FAM120B: variants seen among roughly 807,000 people sequenced by gnomAD.
The protein encoded by FAM120B is family with sequence similarity 120 member B.
A neutral mutation model predicts 96.3 loss-of-function variants in FAM120B; 83 were observed. The ratio of observed to expected loss-of-function variants is 0.86; its 90% CI spans 0.72 to 1.03. The LOEUF is 1.03. FAM120B is among the 50% of genes least tolerant of loss of function. FAM120B has a pLI of 0.00. For missense variants in FAM120B, 1,027 were observed against 1,121.2 expected, an observed-to-expected ratio of 0.92 and a Z score of 1.20; for synonymous variants, 407 against 402.7, an observed-to-expected ratio of 1.01 and a Z score of -0.13.
intron 1 of FAM120B, 91 bp from the exon 2 acceptor site, chr6:170,317,277 CAG>C (rs1226509866): frequency 2.0e-6 from 2 of 996,698 alleles, no homozygotes; most frequent in Non-Finnish European, 3.0e-6. Flanking sequence ...TTTTTGGAAA[CAG>C]TGTGAATATT....
chr6:170,319,480 C>T (rs1244069927), intron 2 of FAM120B, among the ~76,000 whole-genome samples: 1 of 152,106 alleles, frequency 6.6e-6, no homozygotes, highest in African/African-American at 2.4e-5. Flanking sequence ...CCAGCCTGAC[C>T]CACATGGTGA....
At chr6:170,291,421 T>C (rs1783869356), upstream of FAM120B, among the ~76,000 whole-genome samples, 1 of 151,148 alleles carries the variant, frequency 6.6e-6, no homozygotes, top group South Asian at 2.1e-4. Context: ...TCCCGGGGGC[T>C]TGGGGAGGGC....
Position 170,368,357 on chromosome 6 carries a change from A to C in FAM120B, c.2283+10039A>C, listed in dbSNP as rs1788933280. On this transcript the variant is annotated intron_variant, in intron 6 of 10. Transcript: ENST00000476287. ...AGCAGGTATGCCATGTGTCAAAAGC[A>C]GATTTAGAAACCTTCTCATAAAAGA... Among the ~76,000 whole-genome samples, 3 of 152,134 alleles carry C rather than the reference A, an allele frequency of 2.0e-5. No individual in the cohort carries two copies. In the East Asian group the frequency reaches 5.8e-4, roughly 29 times the overall value.
chr6:170,306,940 C>G (rs1784318953), intron 1 of FAM120B, 98 bp downstream of exon 1: 1 of 152,302 alleles, frequency 6.6e-6, no homozygotes, highest in South Asian at 2.1e-4. Context: ...GCGTCAGCCC[C>G]TCGGCTTCTG....
Position 170,400,674 on chromosome 6 carries a change from T to C in FAM120B, c.2693-3876T>C, listed in dbSNP as rs1778523932. Reference sequence around the variant, plus strand: ...ACTTCTTCCAAAACCAAGTTTTTCCTTTCCTGGCATTAATTCTAACATTTC... The same window carrying C: ...ACTTCTTCCAAAACCAAGTTTTTCCCTTCCTGGCATTAATTCTAACATTTC... On this transcript the variant is annotated intron_variant, in intron 9 of 10. Transcript: ENST00000476287. Among the ~76,000 whole-genome samples, 5 of 152,244 alleles carry C rather than the reference T, an allele frequency of 3.3e-5. No individual in the cohort carries two copies. The South Asian group carries it at 1.0e-3, about 31-fold the overall frequency.
At chr6:170,385,020 C>A (rs1212976797) in intron 6 of FAM120B, among the ~76,000 whole-genome samples, 1 of 152,174 alleles carries the variant, frequency 6.6e-6, no homozygotes, top group African/African-American at 2.4e-5. Context: ...TAGAATCCTG[C>A]ACCCAAAAGC....
intron 7 of FAM120B, among the ~76,000 whole-genome samples, 176 bp from the exon 8 acceptor site, chr6:170,390,837 A>G (rs907139588): frequency 1.3e-5 from 2 of 152,196 alleles, no homozygotes; most frequent in African/African-American, 4.8e-5. Context: ...GGATGTGGTC[A>G]TGCTGAAGGA....
upstream of FAM120B, among the ~76,000 whole-genome samples, chr6:170,293,773 C>T (rs61085647): frequency 4.6e-3 from 693 of 149,798 alleles, 5 homozygotes; most frequent in African/African-American, 0.016. Context: ...TCTCTCCCCC[C>T]ACCCCCAAGT....
chr6:170,398,384 A>G (rs1382610558), intron 9 of FAM120B, among the ~76,000 whole-genome samples: 2 of 152,172 alleles, frequency 1.3e-5, no homozygotes, highest in Non-Finnish European at 2.9e-5. Flanking sequence ...CATAACTCTT[A>G]GGAGTGAGTG....
intron 4 of FAM120B, among the ~76,000 whole-genome samples, chr6:170,340,730 C>T (rs1786764781): frequency 6.6e-6 from 1 of 152,274 alleles, no homozygotes; most frequent in Non-Finnish European, 1.5e-5. Context: ...GTTAGTTTTT[C>T]TTCCAACTGG....
intron 3 of FAM120B, among the ~76,000 whole-genome samples, chr6:170,329,369 T>A (rs1785841587): frequency 6.6e-6 from 1 of 152,228 alleles, no homozygotes; most frequent in Admixed American, 6.5e-5. Flanking sequence ...CTGCCCATTG[T>A]CCGTCACATG....
chr6:170,315,183 G>A (rs538131805), intron 1 of FAM120B, among the ~76,000 whole-genome samples: 12 of 152,310 alleles, frequency 7.9e-5, no homozygotes, highest in African/African-American at 2.4e-4. Flanking sequence ...CCCTCACAGC[G>A]TAGAAATCAA....
chr6:170,330,865 G>A lies in FAM120B; in HGVS notation c.2017+315G>A, dbSNP rs188651792. The A allele has an allele frequency of 0.01, 2,953 of 290,666 alleles. 132 individuals carry two copies. In the East Asian group the frequency reaches 0.11, roughly 11 times the overall value. 18.0% of individuals were successfully genotyped at this position (290,666 alleles called of 1,614,324 possible). On this transcript the variant is annotated intron_variant, in intron 4 of 10. Transcript: ENST00000476287. ...GCCGTGGTCAGCGCATGTTGCTGCC[G>A]CAGCCCCAGTGCCTGATGTCTAGTT...
chr6:170,316,929 C>CT (rs1008238388), intron 1 of FAM120B, among the ~76,000 whole-genome samples: 2 of 152,130 alleles, frequency 1.3e-5, no homozygotes, highest in Non-Finnish European at 2.9e-5. Context: ...ATAGTGTGTA[C>CT]TTTTTTTGTC....
intron 8 of FAM120B, among the ~76,000 whole-genome samples, chr6:170,394,155 CA>C (rs1790607040): frequency 6.6e-6 from 1 of 152,146 alleles, no homozygotes; most frequent in Non-Finnish European, 1.5e-5. Context: ...GGGATGACAT[CA>C]CGGCAGGAAG....
chr6:170,378,825 T>C (rs1789735308), intron 6 of FAM120B, among the ~76,000 whole-genome samples: 1 of 152,218 alleles, frequency 6.6e-6, no homozygotes, highest in Non-Finnish European at 1.5e-5. Context: ...GCTGCACCTT[T>C]ATTTGGCCAC....
At chr6:170,395,359 G>T in intron 8 of FAM120B, 128 bp from the exon 9 acceptor site, 1 of 740,568 alleles carries the variant, frequency 1.4e-6, no homozygotes, top group Non-Finnish European at 2.3e-6. Context: ...GTTTTTTCAT[G>T]ACCCTCCCTC....
chr6:170,332,511 A>C (rs969909866), intron 4 of FAM120B, among the ~76,000 whole-genome samples: 1 of 152,204 alleles, frequency 6.6e-6, no homozygotes, highest in African/African-American at 2.4e-5. Context: ...CCGCCTGGCT[A>C]ACATGGTGAA....
At chr6:170,398,369 T>G (rs1778320597) in intron 9 of FAM120B, among the ~76,000 whole-genome samples, 2 of 152,228 alleles carry the variant, frequency 1.3e-5, no homozygotes, top group African/African-American at 4.8e-5. Flanking sequence ...AAGGTAGAAC[T>G]ATGTCATAAC....
Sources: gnomAD v4.1 joint callset for allele counts (sites outside exome capture counted in the v4.1 genomes callset) on GRCh38, gnomAD v4.1.1 for gene constraint, MANE v1.5 for transcripts, NCBI Gene and HGNC (gene_info 2026-07-23, HGNC 2026-07-21) for gene names.